HRH1: variants seen among roughly 807,000 people sequenced by gnomAD.
HRH1 encodes histamine H1 receptor.
In HRH1, 6 loss-of-function variants were observed where a neutral mutation model predicts 10.3. The ratio of observed to expected loss-of-function variants is 0.58; its 90% CI spans 0.32 to 1.15. HRH1 has a LOEUF of 1.15. Ranked by LOEUF, HRH1 falls within the 50% of genes most tolerant of loss-of-function variation. The pLI is 0.05. For missense variants in HRH1, 514 were observed against 615.3 expected (o/e 0.84, Z 1.74); for synonymous variants, 242 against 236.7 (o/e 1.02, Z -0.21).
At chr3:11,258,673 T>C (rs1014235591) in intron 1 of HRH1, among the ~76,000 whole-genome samples, 5 of 152,208 alleles carry the variant, frequency 3.3e-5, no homozygotes, top group African/African-American at 9.6e-5. Context: ...TCCCAGAACA[T>C]GTGCGGAATT....
intron 1 of HRH1, among the ~76,000 whole-genome samples, chr3:11,201,912 C>T (rs375245466): frequency 3.9e-5 from 6 of 152,190 alleles, no homozygotes; most frequent in African/African-American, 1.4e-4. Context: ...CAGTGTTGGG[C>T]AGTCTCTTGT....
At chr3:11,232,755 G>T (rs1939076224) in intron 1 of HRH1, among the ~76,000 whole-genome samples, 1 of 152,124 alleles carries the variant, frequency 6.6e-6, no homozygotes, top group Admixed American at 6.5e-5. Context: ...TGAGACTTCC[G>T]ATCCATAAAC....
intron 1 of HRH1, among the ~76,000 whole-genome samples, chr3:11,178,790 G>GT (rs1163668905): frequency 2.0e-5 from 3 of 152,060 alleles, no homozygotes; most frequent in African/African-American, 7.2e-5. Context: ...TCCTTCATAC[G>GT]TCCCTTGTCT....
chr3:11,145,875 T>G (rs1936431071), intron 1 of HRH1, among the ~76,000 whole-genome samples: 1 of 152,228 alleles, frequency 6.6e-6, no homozygotes, highest in Admixed American at 6.5e-5. Context: ...TAGTGACTTT[T>G]ACTTTCTTTC....
intron 1 of HRH1, among the ~76,000 whole-genome samples, chr3:11,248,310 A>C (rs1939544319): frequency 6.6e-6 from 1 of 152,222 alleles, no homozygotes; most frequent in Non-Finnish European, 1.5e-5. Context: ...ATTCTTGTTT[A>C]CAGTTGACCA....
chr3:11,220,789 C>T (rs991138772), intron 1 of HRH1, among the ~76,000 whole-genome samples: 40 of 152,148 alleles, frequency 2.6e-4, no homozygotes, highest in African/African-American at 9.4e-4. Flanking sequence ...CCCTGCATTT[C>T]TCTGTTTTAT....
intron 1 of HRH1, among the ~76,000 whole-genome samples, chr3:11,173,315 C>T (rs1297935959): frequency 6.6e-6 from 1 of 151,626 alleles, no homozygotes; most frequent in Non-Finnish European, 1.5e-5. Context: ...TGACATAATA[C>T]ATAGCACAGG....
intron 1 of HRH1, among the ~76,000 whole-genome samples, chr3:11,249,023 A>T (rs112300094): frequency 7.0e-4 from 106 of 152,264 alleles, no homozygotes; most frequent in African/African-American, 2.3e-3. Flanking sequence ...CAATAGCTAG[A>T]GTTTGCTTTA....
chr3:11,176,009 TAAA>T (rs1045654716), intron 1 of HRH1, among the ~76,000 whole-genome samples: 4 of 151,128 alleles, frequency 2.6e-5, no homozygotes, highest in African/African-American at 9.8e-5. Context: ...AAAAAATAAA[TAAA>T]TAAATACAAA....
At chr3:11,179,629 A>G (rs968878808) in intron 1 of HRH1, among the ~76,000 whole-genome samples, 22 of 151,646 alleles carry the variant, frequency 1.5e-4, no homozygotes, top group Non-Finnish European at 1.8e-4. Context: ...CAAAAAAAAA[A>G]AAAGAAAGAA....
At chr3:11,234,759 C>T (rs1458774246) in intron 1 of HRH1, among the ~76,000 whole-genome samples, 2 of 152,214 alleles carry the variant, frequency 1.3e-5, no homozygotes, top group African/African-American at 4.8e-5. Context: ...TCCCTCTCCT[C>T]AGGCAGGGCG....
At chr3:11,167,388 CT>C (rs1235538053) in intron 1 of HRH1, among the ~76,000 whole-genome samples, 7 of 25,850 alleles carry the variant, frequency 2.7e-4, no homozygotes, top group African/African-American at 1.3e-3. Context: ...CCCCTGGCCT[CT>C]CCAGGCCCGT....
At chr3:11,146,766 G>A (rs1936457541) in intron 1 of HRH1, among the ~76,000 whole-genome samples, 2 of 152,162 alleles carry the variant, frequency 1.3e-5, no homozygotes. Flanking sequence ...TTTGGGGGTG[G>A]GCAGAAGAAC....
chr3:11,257,523 G>A lies in HRH1; in HGVS notation c.-35-1480G>A, dbSNP rs557542639. Among the ~76,000 whole-genome samples the A allele has an allele frequency of 8.0e-5, 12 of 150,882 alleles. 1 individual carries two copies. The highest frequency in any genetic ancestry group is 1.8e-4 in the Non-Finnish European group (12 of 67,892). ...TGTAGTGAGCCAAGATGGTGCCATTGCACTCCAGTCTGGGTGACAGAGTGA... is the reference window on the plus strand; with the variant it reads ...TGTAGTGAGCCAAGATGGTGCCATTACACTCCAGTCTGGGTGACAGAGTGA... On this transcript the variant is annotated intron_variant, in intron 1 of 1. Coordinates refer to ENST00000431010, the MANE Select transcript of HRH1 (RefSeq NM_001098212.2).
In HRH1 at chr3:11,219,027, T is replaced by C. The variant is rs575476788; in HGVS notation, c.-35-39976T>C. Among the ~76,000 whole-genome samples, 12 of 152,148 alleles carry C rather than the reference T, an allele frequency of 7.9e-5. No homozygotes were observed. In the South Asian group the frequency reaches 1.7e-3, roughly 21 times the overall value. Reference sequence around the variant, plus strand: ...TGCCTCAGCCTCTGAGTAGCTGGGATTACAGGCATAAGCTACCATGCCCAG... The same window carrying C: ...TGCCTCAGCCTCTGAGTAGCTGGGACTACAGGCATAAGCTACCATGCCCAG... On this transcript the variant is annotated intron_variant, in intron 1 of 1. Transcript: ENST00000431010.
intron 1 of HRH1, among the ~76,000 whole-genome samples, chr3:11,213,506 A>C (rs1938393985): frequency 6.6e-6 from 1 of 152,262 alleles, no homozygotes; most frequent in Admixed American, 6.5e-5. Context: ...TCTGAAGCCT[A>C]GAAAGTCCAA....
chr3:11,162,930 C>T (rs965461680), intron 1 of HRH1, among the ~76,000 whole-genome samples: 1 of 151,830 alleles, frequency 6.6e-6, no homozygotes, highest in African/African-American at 2.4e-5. Flanking sequence ...TTAAGAATTC[C>T]ACAGGCACCA....
chr3:11,177,074 C>T (rs1020581402), intron 1 of HRH1, among the ~76,000 whole-genome samples: 2 of 150,350 alleles, frequency 1.3e-5, no homozygotes, highest in Non-Finnish European at 2.9e-5. Context: ...GCCTGAATGA[C>T]GGAGTGAAAC....
At chr3:11,145,493 C>G (rs756147971) in intron 1 of HRH1, among the ~76,000 whole-genome samples, 48 of 152,266 alleles carry the variant, frequency 3.2e-4, no homozygotes, top group Admixed American at 5.2e-4. Context: ...TTTCCAGGCT[C>G]TCATAGTGGG....
Sources: allele counts gnomAD v4.1 joint callset (sites outside exome capture counted in the v4.1 genomes callset), GRCh38; gene constraint gnomAD v4.1.1; transcripts MANE v1.5; gene names NCBI Gene and HGNC (gene_info 2026-07-23, HGNC 2026-07-21).